Variants in SCAF8 observed in about 807,000 individuals in gnomAD.
SCAF8 encodes the protein SR-related and CTD-associated factor 8.
SCAF8 carries 23 observed loss-of-function variants against 140.5 expected under a neutral mutation model. The observed-to-expected ratio is 0.16, with a 90% CI of 0.12 to 0.23. SCAF8 has a LOEUF of 0.23. SCAF8 is among the 10% of genes least tolerant of loss of function. SCAF8 has a pLI of 1.00. For synonymous variants in SCAF8, 575 were observed against 528.9 expected (o/e 1.09, Z -1.20); for missense variants, 1,397 against 1,555.7 (o/e 0.90, Z 1.72).
In SCAF8 at chr6:154,733,832, G is replaced by A. The variant is rs1389846557; in HGVS notation, c.-69G>A. 2.7e-6 allele frequency: 4 copies of A among 1,506,498 alleles called. No individual in the cohort carries two copies. Among genetic ancestry groups the A allele is most frequent in the Admixed American group, 4.9e-5 (2 of 40,444 alleles). 93.3% of individuals were successfully genotyped at this position (1,506,498 alleles called of 1,614,324 possible). A position where few individuals can be genotyped will look rare whatever the true frequency, so the allele number is the denominator to read the frequency against. ...GCGGCCACGCAGCAGCCCGCGTCTC[G>A]CTCTCCCCACCCAGTGCAGTGGCCG... On this transcript the variant is annotated 5_prime_UTR_variant, in exon 1 of 20. Coordinates refer to ENST00000367178, the MANE Select transcript of SCAF8 (RefSeq NM_014892.5).
chr6:154,822,514 T>A, intron 16 of SCAF8, 105 bp downstream of exon 16: 1 of 1,186,684 alleles, frequency 8.4e-7, no homozygotes, highest in Non-Finnish European at 1.2e-6. Context: ...CATATTAGAA[T>A]AAATGTTTGT....
At chr6:154,741,708 G>A (rs534490954) in intron 1 of SCAF8, among the ~76,000 whole-genome samples, 3 of 152,098 alleles carry the variant, frequency 2.0e-5, no homozygotes, top group African/African-American at 4.8e-5. Context: ...CGCCCGGCCC[G>A]TTTGCATCTT....
At chr6:154,760,247 TG>T (rs1479810974) in intron 1 of SCAF8, among the ~76,000 whole-genome samples, 4 of 152,218 alleles carry the variant, frequency 2.6e-5, no homozygotes, top group African/African-American at 9.6e-5. Context: ...TGAGCCAAGA[TG>T]GTGCCACTGC....
rs570834909 is a variant in SCAF8, at chr6:154,797,531, G to T, written c.606+2392G>T. Among the ~76,000 whole-genome samples the T allele has an allele frequency of 2.6e-5, 4 of 151,366 alleles. No individual in the cohort carries two copies. In the South Asian group the frequency reaches 8.3e-4, roughly 32 times the overall value. ...CTGCCTCAGCCTCCCGAGTAGCTGGGACTATAGGCACCTGCCACCATGCCC... is the reference window on the plus strand; with the variant it reads ...CTGCCTCAGCCTCCCGAGTAGCTGGTACTATAGGCACCTGCCACCATGCCC... On this transcript the variant is annotated intron_variant, in intron 6 of 19. Transcript: ENST00000367178.
chr6:154,734,129 C>G (rs1045595010), intron 1 of SCAF8, among the ~76,000 whole-genome samples, 199 bp downstream of exon 1: 1 of 152,156 alleles, frequency 6.6e-6, no homozygotes, highest in Admixed American at 6.5e-5. Flanking sequence ...TGGGGGAGGG[C>G]CGCCCTGGGG....
intron 8 of SCAF8, 65 bp downstream of exon 8, chr6:154,803,688 C>T: frequency 3.2e-6 from 3 of 925,976 alleles, no homozygotes; most frequent in South Asian, 1.4e-5. Context: ...ATCTGAATTA[C>T]TAAGTATACT....
Position 154,809,555 on chromosome 6 carries a change from A to G in SCAF8, c.1227-460A>G, listed in dbSNP as rs541184654. On this transcript the variant is annotated intron_variant, in intron 11 of 19. Coordinates refer to ENST00000367178, the MANE Select transcript of SCAF8 (RefSeq NM_014892.5). ...AGCATTTTGAAGAGAGCTCAATGGC[A>G]TGTGGTTGACAGGCAAAAAAGAAAG... is the stretch of plus-strand genomic sequence containing the variant. Among the ~76,000 whole-genome samples the G allele has an allele frequency of 4.6e-5, 7 of 152,324 alleles. No homozygotes were observed. In the South Asian group the frequency reaches 8.3e-4, roughly 18 times the overall value.
chr6:154,751,427 C>T (rs1240455850), intron 1 of SCAF8, among the ~76,000 whole-genome samples: 1 of 152,060 alleles, frequency 6.6e-6, no homozygotes, highest in Non-Finnish European at 1.5e-5. Flanking sequence ...CGGGTTTCTC[C>T]ACGTTGGTCA....
chr6:154,778,943 C>T lies in SCAF8; in HGVS notation c.159+898C>T, dbSNP rs75043741. On this transcript the variant is annotated intron_variant, in intron 3 of 19. Coordinates refer to ENST00000367178, the MANE Select transcript of SCAF8 (RefSeq NM_014892.5). ...GATTAGAAAATTTTATTTGGTCTAACGCTTTTAAAAGCATTTCTCAGAGAT... is the reference window on the plus strand; with the variant it reads ...GATTAGAAAATTTTATTTGGTCTAATGCTTTTAAAAGCATTTCTCAGAGAT... 2.0e-3 allele frequency among the ~76,000 whole-genome samples: 302 copies of T among 152,224 alleles called. 1 individual carries two copies. The highest frequency in any genetic ancestry group is 6.8e-3 in the African/African-American group (281 of 41,548).
intron 2 of SCAF8, among the ~76,000 whole-genome samples, chr6:154,777,329 A>G (rs75053672): frequency 1.6e-4 from 25 of 152,354 alleles, no homozygotes; most frequent in African/African-American, 6.0e-4. Context: ...ATTTATTTCA[A>G]GTTTATTCAT....
At chr6:154,814,238 A>T (rs1778182240) in intron 12 of SCAF8, among the ~76,000 whole-genome samples, 1 of 152,186 alleles carries the variant, frequency 6.6e-6, no homozygotes, top group Admixed American at 6.5e-5. Flanking sequence ...GGATCACTTG[A>T]GCCCGGGAGG....
rs541581396 is a variant in SCAF8 at position 154,825,548 on chromosome 6, C to T, written c.2071+1170C>T. Reference sequence around the variant, plus strand: ...AGTAGCCAGGTGAGGTGGTACACACCTGTAGTCCCAGCTACTCAGGAGGCT... The same window carrying T: ...AGTAGCCAGGTGAGGTGGTACACACTTGTAGTCCCAGCTACTCAGGAGGCT... On this transcript the variant is annotated intron_variant, in intron 17 of 19. Coordinates refer to ENST00000367178, the MANE Select transcript of SCAF8 (RefSeq NM_014892.5). Among the ~76,000 whole-genome samples, 13 of 147,776 alleles carry T rather than the reference C, an allele frequency of 8.8e-5. No homozygotes were observed. The South Asian group carries it at 2.8e-3, about 32-fold the overall frequency.
intron 6 of SCAF8, among the ~76,000 whole-genome samples, chr6:154,799,972 G>GAC (rs1487511640): frequency 2.0e-5 from 3 of 150,956 alleles, no homozygotes; most frequent in African/African-American, 7.3e-5. Context: ...TTTTAGTAGA[G>GAC]ACAAGGTTTC....
At chr6:154,779,942 C>A (rs1197089339) in intron 3 of SCAF8, among the ~76,000 whole-genome samples, 1 of 152,076 alleles carries the variant, frequency 6.6e-6, no homozygotes, top group East Asian at 1.9e-4. Context: ...TAAAATATTA[C>A]AATCAGGACA....
intron 1 of SCAF8, among the ~76,000 whole-genome samples, chr6:154,751,430 G>A (rs1286892783): frequency 6.6e-6 from 1 of 152,006 alleles, no homozygotes; most frequent in African/African-American, 2.4e-5. Flanking sequence ...GTTTCTCCAC[G>A]TTGGTCAGGC....
intron 12 of SCAF8, among the ~76,000 whole-genome samples, chr6:154,814,586 G>A (rs1210638401): frequency 6.6e-6 from 1 of 152,144 alleles, no homozygotes; most frequent in African/African-American, 2.4e-5. Context: ...TTCATGTGGG[G>A]CTAAATTAGC....
intron 3 of SCAF8, among the ~76,000 whole-genome samples, 178 bp from the exon 4 acceptor site, chr6:154,787,683 T>C (rs1461042747): frequency 2.0e-5 from 3 of 152,248 alleles, no homozygotes; most frequent in Non-Finnish European, 4.4e-5. Context: ...GTAGCCAAAG[T>C]AGATTCTTTA....
intron 11 of SCAF8, 73 bp downstream of exon 11, chr6:154,808,871 G>A: frequency 1.0e-6 from 1 of 978,868 alleles, no homozygotes; most frequent in South Asian, 1.5e-5. Context: ...GCATCAGGAT[G>A]AAAGGAAATG....
At position 154,827,217 on chromosome 6, in the gene SCAF8, C is replaced by G. The variant is rs775768409; in HGVS notation, c.2117C>G (p.Thr706Arg). The G allele has an allele frequency of 2.5e-6, 4 of 1,604,614 alleles. No individual in the cohort carries two copies. The highest frequency in any genetic ancestry group is 1.3e-5 in the African/African-American group (1 of 74,226). The change falls in exon 18 of 20, where the codon ACG (threonine) becomes AGG (arginine). Residue 706 changes from threonine (T) to arginine (R), a missense_variant. Around this residue, in one of 5 missense-constraint regions of SCAF8, gnomAD observed 930 missense variants for 874.6 expected, o/e 1.06. Transcript: ENST00000367178. ...PVPPPVVPPP[T>R]IPPVVPTSLV... is the part of the protein sequence containing the mutation. ...CCCCCACCTGTTGTGCCACCCCCTA[C>G]GATTCCACCAGTAGTACCAACATGT...
Sources: gnomAD v4.1 joint callset for allele counts (sites outside exome capture counted in the v4.1 genomes callset) on GRCh38, gnomAD v4.1.1 for gene constraint, gnomAD v4.1.1 regional missense constraint, MANE v1.5 for transcripts, NCBI Gene and HGNC (gene_info 2026-07-23, HGNC 2026-07-21) for gene names.